The following STAC variants were observed in gnomAD, a reference collection of about 807,000 sequenced individuals.
STAC encodes the protein SH3 and cysteine rich domain.
In STAC, 43 loss-of-function variants were observed where a neutral mutation model predicts 48.8. That is an observed-to-expected ratio of 0.88 (90% confidence interval 0.69 to 1.14). The LOEUF is 1.14. STAC is among the 50% of genes most tolerant of loss of function. The pLI is 0.00. For synonymous variants in STAC, 193 were observed against 179.5 expected (o/e 1.07, Z -0.60); for missense variants, 497 against 504.0 (o/e 0.99, Z 0.13).
rs182941731 is a variant in STAC at position 36,505,264 on chromosome 3, T to G, written c.832-482T>G. Among the ~76,000 whole-genome samples the G allele has an allele frequency of 7.9e-4, 121 of 152,214 alleles. No individual in the cohort carries two copies. The Middle Eastern group carries it at 0.01, about 13-fold the overall frequency. On this transcript the variant is annotated intron_variant, in intron 7 of 10. Transcript: ENST00000273183. ...ATCAGTCTCATGCCAAAACCTATGC[T>G]TTTTTCTCAACATAAATGAACTAAT...
At position 36,511,388 on chromosome 3, in the gene STAC, A is replaced by G. The variant is rs577512159; in HGVS notation, c.920+5554A>G. ...TCACAGTTTTTATAATGTGGTGTTC[A>G]CTGGCCTATCTCAAGGAAAAGACTT... is the stretch of plus-strand genomic sequence containing the variant. On this transcript the variant is annotated intron_variant, in intron 8 of 10. Coordinates refer to ENST00000273183, the MANE Select transcript of STAC (RefSeq NM_003149.3). Among the ~76,000 whole-genome samples the G allele has an allele frequency of 2.0e-5, 3 of 152,312 alleles. No homozygotes were observed. In the East Asian group the frequency reaches 5.8e-4, roughly 29 times the overall value.
At position 36,528,982 on chromosome 3, in the gene STAC, T is replaced by G; in HGVS notation, c.1107T>G (p.Asn369Lys). The G allele has an allele frequency of 1.2e-6, 2 of 1,602,282 alleles. No homozygotes were observed. The highest frequency in any genetic ancestry group is 1.7e-6 in the Non-Finnish European group (2 of 1,173,416). The change falls in exon 10 of 11, where the codon AAT becomes AAG. Residue 369 changes from asparagine (N) to lysine (K), a missense_variant. Physicochemically the swap from Asn to Lys is moderately conservative, Grantham distance 94. Coordinates refer to ENST00000273183, the MANE Select transcript of STAC (RefSeq NM_003149.3). ...KEQGQITLKE[N>K]QICVSSEEEQ... Reference sequence around the variant, plus strand: ...AGGGGCAGATAACACTGAAAGAGAATCAGGTGAGTAAACCACACAAACACA... The same window carrying G: ...AGGGGCAGATAACACTGAAAGAGAAGCAGGTGAGTAAACCACACAAACACA...
chr3:36,392,765 C>T (rs1559475037), intron 1 of STAC, among the ~76,000 whole-genome samples: 2 of 152,174 alleles, frequency 1.3e-5, no homozygotes, highest in Non-Finnish European at 2.9e-5. Context: ...TCTCTCTTCC[C>T]TTAAAACTCA....
At chr3:36,493,121 C>T (rs1246120918) in intron 5 of STAC, 30 bp from the exon 6 acceptor site, 6 of 1,599,078 alleles carry the variant, frequency 3.8e-6, no homozygotes, top group African/African-American at 1.3e-5. Flanking sequence ...TAACATTGTT[C>T]ATCCCATGCT....
chr3:36,517,474 A>AC (rs1698701025), intron 8 of STAC, among the ~76,000 whole-genome samples: 1 of 152,126 alleles, frequency 6.6e-6, no homozygotes, highest in African/African-American at 2.4e-5. Flanking sequence ...ACATGGAAAG[A>AC]CACCATCTCC....
chr3:36,545,434 C>T (rs191550215), intron 10 of STAC, among the ~76,000 whole-genome samples: 4 of 152,316 alleles, frequency 2.6e-5, no homozygotes, highest in Non-Finnish European at 5.9e-5. Context: ...TACAAGGAAC[C>T]CTGTGTCAGG....
rs74282020 is a variant in STAC at position 36,427,857 on chromosome 3, A to G, written c.112-15507A>G. On this transcript the variant is annotated intron_variant, in intron 1 of 10. Coordinates refer to ENST00000273183, the MANE Select transcript of STAC (RefSeq NM_003149.3). ...GATGTACCCAGAGGGACACAGCATC[A>G]CTTCTATGATATTTCTACCAAAAAT... Among the ~76,000 whole-genome samples the G allele has an allele frequency of 1.1e-3, 169 of 152,316 alleles. 2 individuals carry two copies. The East Asian group carries it at 0.025, about 23-fold the overall frequency.
intron 2 of STAC, among the ~76,000 whole-genome samples, chr3:36,453,398 A>G (rs1212389104): frequency 6.6e-6 from 1 of 152,182 alleles, no homozygotes; most frequent in Non-Finnish European, 1.5e-5. Context: ...GGCCAGCGTG[A>G]GTTCCGGGTG....
intron 1 of STAC, among the ~76,000 whole-genome samples, chr3:36,440,587 A>G (rs1271989961): frequency 6.6e-6 from 1 of 152,240 alleles, no homozygotes; most frequent in East Asian, 1.9e-4. Flanking sequence ...ACTGCCTTAA[A>G]ATTACTTCTG....
intron 1 of STAC, among the ~76,000 whole-genome samples, chr3:36,415,922 A>G (rs1468277671): frequency 6.6e-6 from 1 of 152,188 alleles, no homozygotes; most frequent in Admixed American, 6.5e-5. Flanking sequence ...ATATGGTTGT[A>G]TATGGTATTT....
intron 2 of STAC, 42 bp from the exon 3 acceptor site, chr3:36,482,950 G>A (rs1697693855): frequency 1.4e-6 from 2 of 1,396,530 alleles, no homozygotes; most frequent in African/African-American, 1.4e-5. Context: ...AGCAGGAAAT[G>A]GCAGGTTGTA....
chr3:36,489,318 C>G (rs943176122), intron 5 of STAC, among the ~76,000 whole-genome samples: 1 of 152,126 alleles, frequency 6.6e-6, no homozygotes, highest in African/African-American at 2.4e-5. Flanking sequence ...TAACAAGGGA[C>G]TTTTGAAGAC....
chr3:36,419,043 G>A (rs1281846628), intron 1 of STAC, among the ~76,000 whole-genome samples: 140 of 113,894 alleles, frequency 1.2e-3, no homozygotes, highest in African/African-American at 4.5e-3. Flanking sequence ...GTGAAACTCC[G>A]ACTCAAAAAA....
intron 8 of STAC, among the ~76,000 whole-genome samples, chr3:36,513,719 T>A (rs1186125902): frequency 6.6e-6 from 1 of 152,140 alleles, no homozygotes; most frequent in East Asian, 1.9e-4. Flanking sequence ...CTAGCATCGA[T>A]GTGATTATAT....
chr3:36,455,021 AG>A (rs1346487894), intron 2 of STAC, among the ~76,000 whole-genome samples: 1 of 152,220 alleles, frequency 6.6e-6, no homozygotes, highest in Non-Finnish European at 1.5e-5. Flanking sequence ...CTTAGCAGAA[AG>A]AAGTGACCCA....
chr3:36,531,283 A>G (rs768599438), intron 10 of STAC, among the ~76,000 whole-genome samples: 18 of 151,732 alleles, frequency 1.2e-4, no homozygotes, highest in Admixed American at 2.6e-4. Flanking sequence ...ATGCAAAAAG[A>G]CAGTCATCAG....
At chr3:36,492,034 ATATATAT>A (rs1559512164) in intron 5 of STAC, among the ~76,000 whole-genome samples, 38 of 34,422 alleles carry the variant, frequency 1.1e-3, no homozygotes, top group South Asian at 3.1e-3. Context: ...AAAAAAAAAT[ATATATAT>A]ATATATATAT....
rs1217994053 is a variant in STAC, at chr3:36,398,295, A to AAAAGAAAGAAAG, written c.111+17554_111+17565dup. Among the ~76,000 whole-genome samples the AAAAGAAAGAAAG allele has an allele frequency of 3.3e-3, 382 of 117,058 alleles. 14 individuals carry two copies. Among genetic ancestry groups the AAAAGAAAGAAAG allele is most frequent in the Admixed American group, 5.4e-3 (56 of 10,296 alleles). The allele number at this position is 117,058 out of a possible 152,430, so 76.8% of individuals were successfully genotyped here. A position where few individuals can be genotyped will look rare whatever the true frequency, so the allele number is the denominator to read the frequency against. ...ACTGCCATCTATGAAGGTATGTTAA[A>AAAAGAAAGAAAG]AAAGAAAGAAAGAAAGAAAGAAAGC... is the stretch of plus-strand genomic sequence containing the variant. On this transcript the variant is annotated intron_variant, in intron 1 of 10. Coordinates refer to ENST00000273183, the MANE Select transcript of STAC (RefSeq NM_003149.3).
intron 10 of STAC, among the ~76,000 whole-genome samples, chr3:36,534,240 T>C (rs1699142668): frequency 1.3e-5 from 2 of 152,160 alleles, no homozygotes; most frequent in South Asian, 4.1e-4. Flanking sequence ...CATCTCTCTC[T>C]TGAACTTGAT....
Sources: allele counts gnomAD v4.1 joint callset (sites outside exome capture counted in the v4.1 genomes callset), GRCh38; gene constraint gnomAD v4.1.1; transcripts MANE v1.5; gene names NCBI Gene and HGNC (gene_info 2026-07-23, HGNC 2026-07-21).